Variants in DYNC2H1 observed in about 807,000 individuals in gnomAD.
The protein encoded by DYNC2H1 is dynein cytoplasmic 2 heavy chain 1.
DYNC2H1 carries 410 observed loss-of-function variants against 570.0 expected under a neutral mutation model. That is an observed-to-expected ratio of 0.72 (90% CI 0.66 to 0.78). DYNC2H1 has a LOEUF of 0.78. DYNC2H1 is among the 30% of genes least tolerant of loss of function. The pLI, the probability that DYNC2H1 is intolerant of heterozygous loss-of-function variation, is 0.00. For missense variants in DYNC2H1, 4,865 were observed against 5,046.4 expected (o/e 0.96, Z 1.09); for synonymous variants, 1,688 against 1,677.6 (o/e 1.01, Z -0.15).
Position 103,113,549 on chromosome 11 carries a change from G to T in DYNC2H1, c.208G>T (p.Asp70Tyr). 1 of 1,557,766 alleles carries T rather than the reference G, an allele frequency of 6.4e-7. No homozygotes were observed. The highest frequency in any genetic ancestry group is 1.3e-5 in the South Asian group (1 of 77,636). Reference sequence around the variant, plus strand: ...TTTATCACTTTAGATTGAGTTTGGTGACACAAAAGATAAAGTGCTGGTGTT... The same window carrying T: ...TTTATCACTTTAGATTGAGTTTGGTTACACAAAAGATAAAGTGCTGGTGTT... ...ISFSNTIEFG[D>Y]TKDKVLVFFK... is the part of the protein sequence containing the mutation. The change falls in exon 2 of 89, where the codon GAC (aspartate) becomes TAC (tyrosine). Residue 70 changes from aspartate (D) to tyrosine (Y), a missense_variant. Transcript: ENST00000375735.
rs1017911806 is a variant in DYNC2H1 at position 103,318,172 on chromosome 11, C to A, written c.11725+1552C>A. On this transcript the variant is annotated intron_variant, in intron 80 of 88. Transcript: ENST00000375735. ...TAATGAAGTATATGGACAAAAAGTA[C>A]TTACAAGATTATGGCTCACTGAAAT... Among the ~76,000 whole-genome samples, 4 of 152,074 alleles carry A rather than the reference C, an allele frequency of 2.6e-5. No homozygotes were observed. The South Asian group carries it at 6.2e-4, about 24-fold the overall frequency.
At chr11:103,387,841 T>C (rs1941955491) in intron 83 of DYNC2H1, among the ~76,000 whole-genome samples, 1 of 152,224 alleles carries the variant, frequency 6.6e-6, no homozygotes, top group African/African-American at 2.4e-5. Context: ...CTGAGAGTTC[T>C]GTTCTGTTCC....
chr11:103,193,602 G>T (rs1253754694), intron 47 of DYNC2H1, among the ~76,000 whole-genome samples: 1 of 151,528 alleles, frequency 6.6e-6, no homozygotes, highest in East Asian at 1.9e-4. Flanking sequence ...GGAGCGCAAA[G>T]GTGCAATCTC....
intron 83 of DYNC2H1, among the ~76,000 whole-genome samples, chr11:103,368,858 G>C (rs777045057): frequency 1.3e-5 from 2 of 151,820 alleles, no homozygotes; most frequent in Non-Finnish European, 2.9e-5. Flanking sequence ...GTGTGTTCTT[G>C]GGACCTTTGT....
chr11:103,298,788 A>C (rs1473410478), intron 75 of DYNC2H1, among the ~76,000 whole-genome samples: 1 of 152,152 alleles, frequency 6.6e-6, no homozygotes, highest in African/African-American at 2.4e-5. Flanking sequence ...ATATGGAAAG[A>C]TCTTTATTAA....
intron 81 of DYNC2H1, among the ~76,000 whole-genome samples, chr11:103,323,477 T>C (rs1376155819): frequency 6.6e-6 from 1 of 151,454 alleles, no homozygotes; most frequent in Non-Finnish European, 1.5e-5. Flanking sequence ...TATAAATATA[T>C]ATATATATAT....
chr11:103,112,995 T>G (rs1858185608), intron 1 of DYNC2H1, among the ~76,000 whole-genome samples: 1 of 152,194 alleles, frequency 6.6e-6, no homozygotes, highest in African/African-American at 2.4e-5. Flanking sequence ...AGGAAAAATT[T>G]TCAGTTAAGA....
intron 59 of DYNC2H1, among the ~76,000 whole-genome samples, chr11:103,224,188 T>C (rs1863709846): frequency 1.3e-5 from 2 of 152,128 alleles, no homozygotes; most frequent in South Asian, 4.1e-4. Context: ...TTGCTATCGT[T>C]ACTAAGTCAG....
chr11:103,348,285 C>G (rs1249773541), intron 82 of DYNC2H1, among the ~76,000 whole-genome samples: 1 of 151,974 alleles, frequency 6.6e-6, no homozygotes, highest in African/African-American at 2.4e-5. Flanking sequence ...TCTTTTTTTA[C>G]TTTTTACAGC....
rs1866952183 is a variant in DYNC2H1 at position 103,299,146 on chromosome 11, C to T, written c.11096-3947C>T. On this transcript the variant is annotated intron_variant, in intron 75 of 88. Transcript: ENST00000375735. The surrounding 1 kb of genome is among the most constrained non-coding windows in gnomAD (Gnocchi z 4.5). ...ACGGTGCTACAATAACTACAGTAAC[C>T]AGAAATTTTTAAACGTTCTTCATCC... 6.6e-6 allele frequency among the ~76,000 whole-genome samples: 1 copy of T among 151,800 alleles called. No homozygotes were observed. The highest frequency in any genetic ancestry group is 2.4e-5 in the African/African-American group (1 of 41,284).
chr11:103,472,621 CCAGA>C lies in DYNC2H1; in HGVS notation c.12765+3919_12765+3922del, dbSNP rs1332188321. 2.0e-5 allele frequency among the ~76,000 whole-genome samples: 3 copies of C among 151,900 alleles called. No individual in the cohort carries two copies. Among genetic ancestry groups the C allele is most frequent in the East Asian group, 1.9e-4 (1 of 5,178 alleles). On this transcript the variant is annotated intron_variant, in intron 88 of 88. Coordinates refer to ENST00000375735, the MANE Select transcript of DYNC2H1 (RefSeq NM_001377.3). The surrounding 1 kb of genome is among the most constrained non-coding windows in gnomAD (Gnocchi z 4.1). The stretch of plus-strand genomic sequence containing the variant: ...AGTTCCACATTGGTAGCATTAGTGT[CCAGA>C]CAATCATAGTGAACATTTATTTGCA...
chr11:103,203,536 A>AAGTAGAGGTAAT lies in DYNC2H1; in HGVS notation c.8198-125_8198-114dup. 1 of 612,734 alleles carries AAGTAGAGGTAAT rather than the reference A, an allele frequency of 1.6e-6. No individual in the cohort carries two copies. 38.0% of individuals were successfully genotyped at this position (612,734 alleles called of 1,614,324 possible). ...GGCTATAGATAAAGATTTGTGAGTC[A>AAGTAGAGGTAAT]AGTAGAGGTAATAAAGTTTGTATAT... is the stretch of plus-strand genomic sequence containing the variant. On this transcript the variant is annotated intron_variant, in intron 50 of 88. Coordinates refer to ENST00000375735, the MANE Select transcript of DYNC2H1 (RefSeq NM_001377.3). The surrounding 1 kb of genome is among the most constrained non-coding windows in gnomAD (Gnocchi z 4.7).
At chr11:103,470,975 C>A (rs1357202204) in intron 88 of DYNC2H1, among the ~76,000 whole-genome samples, 3 of 152,000 alleles carry the variant, frequency 2.0e-5, no homozygotes, top group Non-Finnish European at 2.9e-5. Context: ...GTTCTAGATC[C>A]CTGAGGAATC....
chr11:103,191,212 A>T (rs997524663), intron 45 of DYNC2H1, among the ~76,000 whole-genome samples: 1 of 150,946 alleles, frequency 6.6e-6, no homozygotes, highest in African/African-American at 2.4e-5. Context: ...GCCAATTTTT[A>T]TATTTTTTTT....
rs1026464611 is a variant in DYNC2H1, at chr11:103,304,752, A to T, written c.11382+32A>T. On this transcript the variant is annotated intron_variant, in intron 77 of 88. Coordinates refer to ENST00000375735, the MANE Select transcript of DYNC2H1 (RefSeq NM_001377.3). The stretch of plus-strand genomic sequence containing the variant: ...TCAGATAAATGTACAAATAATATCT[A>T]TTATACTCAACTTAGCAATCTCCAA... 3 of 1,599,006 alleles carry T rather than the reference A, an allele frequency of 1.9e-6. No homozygotes were observed. The African/African-American group carries it at 4.0e-5, about 21-fold the overall frequency.
chr11:103,449,926 G>T (rs1426033108), intron 85 of DYNC2H1, among the ~76,000 whole-genome samples: 2 of 152,018 alleles, frequency 1.3e-5, no homozygotes, highest in African/African-American at 4.8e-5. Context: ...GATAAAACAA[G>T]ACCCAACTAT....
chr11:103,456,217 T>G (rs1759565969), intron 86 of DYNC2H1, 58 bp from the exon 87 acceptor site: 1 of 1,351,360 alleles, frequency 7.4e-7, no homozygotes, highest in Non-Finnish European at 1.0e-6. Flanking sequence ...TCAGTTACTC[T>G]TCATATTTTA....
In DYNC2H1 at chr11:103,185,760, A is replaced by G. The variant is rs2058506768; in HGVS notation, c.6634-482A>G. Among the ~76,000 whole-genome samples the G allele has an allele frequency of 6.6e-6, 1 of 151,958 alleles. No individual in the cohort carries two copies. The highest frequency in any genetic ancestry group is 6.6e-5 in the Admixed American group (1 of 15,198). On this transcript the variant is annotated intron_variant, in intron 41 of 88. Transcript: ENST00000375735. The surrounding 1 kb of genome is among the most constrained non-coding windows in gnomAD (Gnocchi z 4.5). ...GCTTTTAAGCACATACTCTCTTGTC[A>G]AAGTTCCGAATAAATGTATTGAAGA...
In DYNC2H1 at chr11:103,387,726, C is replaced by G. The variant is rs375989036; in HGVS notation, c.12157-11937C>G. On this transcript the variant is annotated intron_variant, in intron 83 of 88. Coordinates refer to ENST00000375735, the MANE Select transcript of DYNC2H1 (RefSeq NM_001377.3). Reference sequence around the variant, plus strand: ...GTTTCAGCTTTCTATATATGGCTAGCCAGTTTTCCCAGCACCATTTATTAA... The same window carrying G: ...GTTTCAGCTTTCTATATATGGCTAGGCAGTTTTCCCAGCACCATTTATTAA... Among the ~76,000 whole-genome samples the G allele has an allele frequency of 7.4e-4, 113 of 152,246 alleles. No homozygotes were observed. In the East Asian group the frequency reaches 0.013, roughly 17 times the overall value.
Sources: gnomAD v4.1 joint callset for allele counts (sites outside exome capture counted in the v4.1 genomes callset) on GRCh38, gnomAD v4.1.1 for gene constraint, Gnocchi (gnomAD v3.1) non-coding constraint, MANE v1.5 for transcripts, NCBI Gene and HGNC (gene_info 2026-07-23, HGNC 2026-07-21) for gene names.